SMAD1: variants seen among roughly 807,000 people sequenced by gnomAD.
SMAD1 encodes the protein MAD, mothers against decapentaplegic homolog 1.
In SMAD1, 6 loss-of-function variants were observed where a neutral mutation model predicts 41.6. The observed-to-expected ratio is 0.14, with a 90% CI of 0.08 to 0.28. The LOEUF (loss-of-function observed/expected upper bound fraction) is 0.28. Among genes scored for constraint, SMAD1 ranks in the 10% least tolerant of loss-of-function variants. SMAD1 has a pLI of 1.00. For missense variants in SMAD1, 379 were observed against 582.6 expected, an observed-to-expected ratio of 0.65 and a Z score of 3.60; for synonymous variants, 206 against 203.2, an observed-to-expected ratio of 1.01 and a Z score of -0.12.
In SMAD1 at chr4:145,553,980, T is replaced by C. The variant is rs764750344; in HGVS notation, c.1194T>C (p.His398=). 2 of 1,613,996 alleles carry C rather than the reference T, an allele frequency of 1.2e-6. No homozygotes were observed. Among genetic ancestry groups the C allele is most frequent in the Non-Finnish European group, 1.7e-6 (2 of 1,179,962 alleles). The stretch of plus-strand genomic sequence containing the variant: ...AGTTATTGGCACAGTCTGTGAACCA[T>C]GGATTTGAGACAGTCTATGAGCTTA... ...FAQLLAQSVN[H]GFETVYELTK... is the part of the protein sequence containing the mutation. Residue 398 remains histidine (H), a synonymous_variant, in exon 6 of 7, where the codon CAT becomes CAC. Transcript: ENST00000302085.
rs868743280 is a variant in SMAD1, at chr4:145,482,227, C to T, written c.-177+189C>T. Among the ~76,000 whole-genome samples the T allele has an allele frequency of 1.3e-5, 2 of 149,756 alleles. No homozygotes were observed. Among genetic ancestry groups the T allele is most frequent in the African/African-American group, 4.9e-5 (2 of 41,176 alleles). On this transcript the variant is annotated intron_variant, in intron 1 of 6. Transcript: ENST00000302085. This position sits in a 1 kb window ranked among gnomAD's most constrained non-coding sequence, Gnocchi z 4.2. ...TTCTGCGCGGGGCGGGCCGCGACCCCCCCCCCCCATGATGGCGCCTCCCGT... is the reference window on the plus strand; with the variant it reads ...TTCTGCGCGGGGCGGGCCGCGACCCTCCCCCCCCATGATGGCGCCTCCCGT...
At chr4:145,496,662 A>G (rs530311592) in intron 1 of SMAD1, among the ~76,000 whole-genome samples, 18 of 152,270 alleles carry the variant, frequency 1.2e-4, no homozygotes, top group Admixed American at 3.9e-4. Flanking sequence ...CACGAGTTCC[A>G]CAGGGCCCAC....
chr4:145,489,988 C>A (rs1220031225), intron 1 of SMAD1, among the ~76,000 whole-genome samples: 1 of 152,034 alleles, frequency 6.6e-6, no homozygotes, highest in Non-Finnish European at 1.5e-5. Context: ...AAGAGAGATT[C>A]TAGAAGTAGG....
intron 4 of SMAD1, chr4:145,545,336 C>G (rs1299661782): frequency 2.0e-5 from 3 of 152,160 alleles, no homozygotes; most frequent in Non-Finnish European, 4.4e-5. Flanking sequence ...TTGAAGTATC[C>G]TGATAGCTGA....
At chr4:145,547,333 G>A (rs183075520) in intron 5 of SMAD1, among the ~76,000 whole-genome samples, 1 of 152,228 alleles carries the variant, frequency 6.6e-6, no homozygotes, top group East Asian at 1.9e-4. Flanking sequence ...CACAAACATC[G>A]TGCAAGGTGG....
intron 1 of SMAD1, among the ~76,000 whole-genome samples, chr4:145,499,626 A>G (rs1729308974): frequency 6.6e-6 from 1 of 152,204 alleles, no homozygotes. Context: ...AGAAAAAAAG[A>G]AAAATTTCAG....
At chr4:145,495,078 G>A (rs529244160) in intron 1 of SMAD1, among the ~76,000 whole-genome samples, 102 of 152,306 alleles carry the variant, frequency 6.7e-4, no homozygotes, top group African/African-American at 2.4e-3. Flanking sequence ...TAGAGCTGTG[G>A]CTTATCTGGC....
intron 1 of SMAD1, among the ~76,000 whole-genome samples, chr4:145,483,845 TAAC>T (rs1728328951): frequency 6.6e-6 from 1 of 152,230 alleles, no homozygotes; most frequent in Admixed American, 6.5e-5. Flanking sequence ...CATAGGTATG[TAAC>T]CAAATACATT....
chr4:145,494,193 C>G (rs1193159168), intron 1 of SMAD1, among the ~76,000 whole-genome samples: 1 of 152,204 alleles, frequency 6.6e-6, no homozygotes, highest in Non-Finnish European at 1.5e-5. Context: ...AACTCCTGAC[C>G]TTGGGACCCA....
upstream of SMAD1, chr4:145,481,446 C>G (rs997310319): frequency 6.6e-6 from 1 of 152,146 alleles, no homozygotes; most frequent in Non-Finnish European, 1.5e-5. Context: ...ATTCAGTGGG[C>G]GCGGTGGAAG....
At chr4:145,522,832 A>G (rs1730824110) in intron 2 of SMAD1, among the ~76,000 whole-genome samples, 1 of 151,848 alleles carries the variant, frequency 6.6e-6, no homozygotes, top group African/African-American at 2.4e-5. Context: ...GACACCCGCC[A>G]CCATGCCCAA....
intron 2 of SMAD1, among the ~76,000 whole-genome samples, chr4:145,528,396 C>T (rs1459974682): frequency 6.6e-6 from 1 of 152,036 alleles, no homozygotes; most frequent in African/African-American, 2.4e-5. Context: ...AGCCACTGCA[C>T]CCGGCCTAAC....
chr4:145,522,967 G>A (rs1052429132), intron 2 of SMAD1, among the ~76,000 whole-genome samples: 3 of 152,086 alleles, frequency 2.0e-5, no homozygotes, highest in South Asian at 2.1e-4. Flanking sequence ...GTGAGCCACC[G>A]TGCCTGGCTG....
chr4:145,483,206 C>T (rs527726540), intron 1 of SMAD1: 1 of 152,310 alleles, frequency 6.6e-6, no homozygotes, highest in East Asian at 1.9e-4. Flanking sequence ...TCCTTTTTCT[C>T]TGCCCTCCCC....
chr4:145,556,745 C>T (rs1370335839), intron 6 of SMAD1, among the ~76,000 whole-genome samples: 1 of 152,164 alleles, frequency 6.6e-6, no homozygotes, highest in Non-Finnish European at 1.5e-5. Flanking sequence ...CGCCAGAGTG[C>T]AGTGGCGTGA....
At position 145,535,832 on chromosome 4, in the gene SMAD1, C is replaced by T. The variant is rs192075538; in HGVS notation, c.401-3972C>T. Among the ~76,000 whole-genome samples the T allele has an allele frequency of 4.4e-4, 66 of 151,542 alleles. 1 individual carries two copies. The East Asian group carries it at 8.7e-3, about 20-fold the overall frequency. On this transcript the variant is annotated intron_variant, in intron 2 of 6. Transcript: ENST00000302085. Reference sequence around the variant, plus strand: ...AGAGAGGGGAACTCCTAAAACTAAGCGCAAATAGCAACAGATATATTCAAA... The same window carrying T: ...AGAGAGGGGAACTCCTAAAACTAAGTGCAAATAGCAACAGATATATTCAAA...
At chr4:145,536,903 GA>G (rs1240465311) in intron 2 of SMAD1, among the ~76,000 whole-genome samples, 1 of 152,118 alleles carries the variant, frequency 6.6e-6, no homozygotes, top group Non-Finnish European at 1.5e-5. Flanking sequence ...TGTGAACTGA[GA>G]AGGGAATGAT....
At chr4:145,555,725 T>G (rs1732801350) in intron 6 of SMAD1, among the ~76,000 whole-genome samples, 1 of 152,272 alleles carries the variant, frequency 6.6e-6, no homozygotes, top group Non-Finnish European at 1.5e-5. Context: ...CATTCAAAAT[T>G]TATTAGATTT....
At chr4:145,546,464 G>C in intron 4 of SMAD1, 1 of 506,138 alleles carries the variant, frequency 2.0e-6, no homozygotes, top group East Asian at 3.2e-5. Context: ...TGGTGTTTTG[G>C]TTATCTGATA....
Sources: gnomAD v4.1 joint callset for allele counts (sites outside exome capture counted in the v4.1 genomes callset) on GRCh38, gnomAD v4.1.1 for gene constraint, Gnocchi (gnomAD v3.1) non-coding constraint, MANE v1.5 for transcripts, NCBI Gene and HGNC (gene_info 2026-07-23, HGNC 2026-07-21) for gene names.